The following LRRFIP2 variants were observed in gnomAD, a reference collection of about 807,000 sequenced individuals.
LRRFIP2 encodes the protein LRR binding FLII interacting protein 2, also known as leucine-rich repeat flightless-interacting protein 2.
LRRFIP2 carries 109 observed loss-of-function variants against 125.9 expected under a neutral mutation model. The ratio of observed to expected loss-of-function variants is 0.87; its 90% CI spans 0.74 to 1.01. LRRFIP2 has a LOEUF of 1.01. Ranked by LOEUF, LRRFIP2 falls within the 50% of genes least tolerant of loss-of-function variation. The pLI is 0.00. For synonymous variants in LRRFIP2, 291 were observed against 293.1 expected, an observed-to-expected ratio of 0.99 and a Z score of 0.07; for missense variants, 850 against 862.3, an observed-to-expected ratio of 0.99 and a Z score of 0.18.
At chr3:37,163,233 T>C (rs1400045102) in intron 1 of LRRFIP2, among the ~76,000 whole-genome samples, 2 of 152,246 alleles carry the variant, frequency 1.3e-5, no homozygotes, top group African/African-American at 4.8e-5. Flanking sequence ...ACAGCCTCAG[T>C]TGATGCTTGC....
chr3:37,161,495 A>T (rs2096343557), intron 1 of LRRFIP2, among the ~76,000 whole-genome samples: 1 of 152,226 alleles, frequency 6.6e-6, no homozygotes, highest in African/African-American at 2.4e-5. Context: ...AAATGTCCAG[A>T]ATAGGTAAAT....
Position 37,121,841 on chromosome 3 carries a change from C to CGTGTGTGTGTGTGTGT in LRRFIP2, c.229-166_229-151dup, listed in dbSNP as rs60540567. The CGTGTGTGTGTGTGTGT allele has an allele frequency of 1.8e-5, 9 of 496,874 alleles. No individual in the cohort carries two copies. In the African/African-American group the frequency reaches 1.9e-4, roughly 10 times the overall value. 30.8% of individuals were successfully genotyped at this position (496,874 alleles called of 1,614,324 possible). On this transcript the variant is annotated intron_variant, in intron 4 of 27. Transcript: ENST00000336686. ...AACTTATCTTAGGGGCAGCCACATT[C>CGTGTGTGTGTGTGTGT]GTGTGTGTGTGTGTGTGTGTGTGTG...
chr3:37,113,318 T>C (rs1202833176), intron 7 of LRRFIP2, among the ~76,000 whole-genome samples: 1 of 152,152 alleles, frequency 6.6e-6, no homozygotes, highest in Non-Finnish European at 1.5e-5. Flanking sequence ...TTTTTTTCTT[T>C]TTCAATAGAA....
chr3:37,129,406 T>C (rs1029741269), intron 2 of LRRFIP2, among the ~76,000 whole-genome samples: 1 of 152,234 alleles, frequency 6.6e-6, no homozygotes, highest in African/African-American at 2.4e-5. Context: ...ACACATTTCA[T>C]ACAGTTTGTT....
rs560304518 is a variant in LRRFIP2 at position 37,153,163 on chromosome 3, G to C, written c.-55-4125C>G. Among the ~76,000 whole-genome samples, 16 of 152,244 alleles carry C rather than the reference G, an allele frequency of 1.1e-4. No homozygotes were observed. The South Asian group carries it at 3.3e-3, about 32-fold the overall frequency. On this transcript the variant is annotated intron_variant, in intron 1 of 27. Coordinates refer to ENST00000336686, the MANE Select transcript of LRRFIP2 (RefSeq NM_006309.4). ...AATAATCCCAGCACTTTGGGAGGCT[G>C]AATCAGGAGAACTGCTTGAGCATAG... is the stretch of plus-strand genomic sequence containing the variant.
intron 1 of LRRFIP2, among the ~76,000 whole-genome samples, chr3:37,163,838 T>A (rs1349472820): frequency 6.6e-6 from 1 of 152,162 alleles, no homozygotes; most frequent in African/African-American, 2.4e-5. Flanking sequence ...AATAGGCTTG[T>A]GATTTCCTGG....
At chr3:37,140,550 T>A (rs2095668595) in intron 2 of LRRFIP2, 1 of 150,016 alleles carries the variant, frequency 6.7e-6, no homozygotes, top group African/African-American at 2.5e-5. Flanking sequence ...CTGGGCAACA[T>A]GGGAAAACCC....
At chr3:37,118,876 CA>C (rs2094905710) in intron 6 of LRRFIP2, among the ~76,000 whole-genome samples, 1 of 152,128 alleles carries the variant, frequency 6.6e-6, no homozygotes, top group African/African-American at 2.4e-5. Flanking sequence ...AATTATATAG[CA>C]AACCACAAGG....
chr3:37,147,181 G>C (rs547936235), intron 2 of LRRFIP2, among the ~76,000 whole-genome samples: 1 of 152,264 alleles, frequency 6.6e-6, no homozygotes, highest in African/African-American at 2.4e-5. Context: ...CAGTCAGAAT[G>C]GTGATTATTA....
Position 37,171,505 on chromosome 3 carries a change from C to G in LRRFIP2, c.-56+3034G>C, listed in dbSNP as rs1215039226. Among the ~76,000 whole-genome samples, 4 of 152,154 alleles carry G rather than the reference C, an allele frequency of 2.6e-5. No individual in the cohort carries two copies. In the East Asian group the frequency reaches 5.8e-4, roughly 22 times the overall value. On this transcript the variant is annotated intron_variant, in intron 1 of 27. Coordinates refer to ENST00000336686, the MANE Select transcript of LRRFIP2 (RefSeq NM_006309.4). ...AAAAAGGCAAAGAATCCTGAACCTCCTCCTGGCCACAAGTAACCTATATAA... is the reference window on the plus strand; with the variant it reads ...AAAAAGGCAAAGAATCCTGAACCTCGTCCTGGCCACAAGTAACCTATATAA...
intron 19 of LRRFIP2, among the ~76,000 whole-genome samples, chr3:37,080,762 T>C (rs1053603683): frequency 6.6e-6 from 1 of 152,006 alleles, no homozygotes; most frequent in Admixed American, 6.6e-5. Flanking sequence ...ATATATATTA[T>C]AAGGAGAAAA....
rs2086440116 is a variant in LRRFIP2, at chr3:37,055,096, A to G, written c.1940T>C (p.Leu647Ser). Residue 647 changes from leucine (L) to serine (S), a missense_variant, in exon 26 of 28, where the codon TTG becomes TCG. Leu to Ser is a moderately radical substitution (Grantham distance 145, BLOSUM62 -2). Coordinates refer to ENST00000336686, the MANE Select transcript of LRRFIP2 (RefSeq NM_006309.4). ...LSKAEQDITT[L>S]EQSISRLEGQ... is the part of the protein sequence containing the mutation. ...TATAGAAGTACTTACACTTTGCTCC[A>G]AGGTAGTTATATCCTGTTCTGCTTT... The G allele has an allele frequency of 6.3e-7, 1 of 1,589,850 alleles. No individual in the cohort carries two copies. Among genetic ancestry groups the G allele is most frequent in the Non-Finnish European group, 8.5e-7 (1 of 1,170,450 alleles).
In LRRFIP2 at chr3:37,054,812, T is replaced by A. The variant is rs4678932; in HGVS notation, c.1950+274A>T. ...GAAGAGACACTAAATGGAAAAGTTC[T>A]TACACTTTTTGGAATGCGTAAGGGA... is the stretch of plus-strand genomic sequence containing the variant. On this transcript the variant is annotated intron_variant, in intron 26 of 27. Transcript: ENST00000336686. 6.9e-4 allele frequency among the ~76,000 whole-genome samples: 105 copies of A among 152,048 alleles called. 2 individuals are homozygous for A. The highest frequency in any genetic ancestry group is 5.2e-4 in the Admixed American group (8 of 15,278).
chr3:37,170,536 G>C (rs1218981513), intron 1 of LRRFIP2: 1 of 152,196 alleles, frequency 6.6e-6, no homozygotes, highest in Admixed American at 6.5e-5. Flanking sequence ...TTATCTATCT[G>C]AACTTAAAAT....
chr3:37,056,608 C>T (rs1032098503), intron 25 of LRRFIP2, among the ~76,000 whole-genome samples: 2 of 152,106 alleles, frequency 1.3e-5, no homozygotes, highest in African/African-American at 4.8e-5. Context: ...CACCCGCCAC[C>T]ATGCCTGGCT....
rs966003564 is a variant in LRRFIP2, at chr3:37,055,282, G to A, written c.1871-117C>T. ...TGCAGTCTTAAGATTACAAAATACA[G>A]GGCTGGGCGCGGTGACTCACGCCTG... is the stretch of plus-strand genomic sequence containing the variant. On this transcript the variant is annotated intron_variant, in intron 25 of 27. Coordinates refer to ENST00000336686, the MANE Select transcript of LRRFIP2 (RefSeq NM_006309.4). 1.5e-5 allele frequency: 9 copies of A among 605,060 alleles called. No individual in the cohort carries two copies. In the African/African-American group the frequency reaches 1.7e-4, roughly 12 times the overall value. The allele number at this position is 605,060 out of a possible 1,614,324, so 37.5% of individuals were successfully genotyped here.
intron 24 of LRRFIP2, among the ~76,000 whole-genome samples, chr3:37,063,237 C>T (rs1357526921): frequency 6.6e-6 from 1 of 152,194 alleles, no homozygotes; most frequent in Non-Finnish European, 1.5e-5. Flanking sequence ...CCTAATGACA[C>T]AAGCAGGCTG....
intron 18 of LRRFIP2, among the ~76,000 whole-genome samples, chr3:37,090,221 T>G (rs2093350903): frequency 1.3e-5 from 2 of 150,360 alleles, no homozygotes; most frequent in Admixed American, 6.6e-5. Context: ...TTACTTTTTT[T>G]GTTTGTTTGT....
upstream of LRRFIP2, chr3:37,176,245 G>A (rs1224590572): frequency 1.3e-5 from 2 of 152,320 alleles, no homozygotes; most frequent in African/African-American, 4.8e-5. Flanking sequence ...TAGTCGGTCA[G>A]GCCGATGTGC....
Sources: allele counts gnomAD v4.1 joint callset (sites outside exome capture counted in the v4.1 genomes callset), GRCh38; gene constraint gnomAD v4.1.1; transcripts MANE v1.5; gene names NCBI Gene and HGNC (gene_info 2026-07-23, HGNC 2026-07-21).